Variants in ZBTB20 observed in about 807,000 individuals in gnomAD.
ZBTB20 encodes the protein zinc finger and BTB domain containing 20.
Under a neutral mutation model 56.9 loss-of-function variants are expected in ZBTB20, and 9 were observed. The observed-to-expected ratio is 0.16, with a 90% CI of 0.10 to 0.28. ZBTB20 has a LOEUF of 0.28. Ranked by LOEUF, ZBTB20 falls within the 10% of genes least tolerant of loss-of-function variation. The pLI, the probability that ZBTB20 is intolerant of heterozygous loss-of-function variation, is 1.00. For missense variants in ZBTB20, 655 were observed against 1,003.0 expected (o/e 0.65, Z 4.69); for synonymous variants, 417 against 420.7 (o/e 0.99, Z 0.11).
chr3:114,341,653 C>T (rs1370509785), intron 11 of ZBTB20, among the ~76,000 whole-genome samples: 4 of 152,200 alleles, frequency 2.6e-5, no homozygotes, highest in African/African-American at 4.8e-5. Context: ...TCATGTTTCT[C>T]TCTATAGCAT....
intron 11 of ZBTB20, among the ~76,000 whole-genome samples, chr3:114,349,199 CAAAAAA>C (rs35387890): frequency 2.1e-4 from 25 of 116,336 alleles, no homozygotes; most frequent in Admixed American, 1.7e-4. Flanking sequence ...GACCCTGTCT[CAAAAAA>C]AAAAAAAAAA....
intron 6 of ZBTB20, among the ~76,000 whole-genome samples, chr3:114,573,367 C>T (rs1466160121): frequency 6.7e-6 from 1 of 150,042 alleles, no homozygotes; most frequent in East Asian, 2.0e-4. Context: ...GGCTGTGGCA[C>T]AAGAATTGCT....
chr3:114,390,799 G>T (rs552754530), intron 7 of ZBTB20, among the ~76,000 whole-genome samples: 93 of 152,204 alleles, frequency 6.1e-4, no homozygotes, highest in Admixed American at 9.8e-4. Context: ...ATACAACAGG[G>T]TCTCTAACTT....
At chr3:115,041,380 C>T (rs2081135703) in intron 2 of ZBTB20, among the ~76,000 whole-genome samples, 1 of 152,006 alleles carries the variant, frequency 6.6e-6, no homozygotes, top group South Asian at 2.1e-4. Context: ...GTACCAAAAC[C>T]AAAACTCTAG....
intron 6 of ZBTB20, among the ~76,000 whole-genome samples, chr3:114,663,437 C>T (rs1275889500): frequency 1.4e-5 from 2 of 146,312 alleles, no homozygotes; most frequent in Non-Finnish European, 3.0e-5. Context: ...CAAAATCATG[C>T]CAAAATGTAA....
intron 2 of ZBTB20, among the ~76,000 whole-genome samples, chr3:114,979,159 T>G (rs2078230024): frequency 6.6e-6 from 1 of 152,014 alleles, no homozygotes; most frequent in Non-Finnish European, 1.5e-5. Flanking sequence ...CAATTAAACT[T>G]TCAAAGAAAA....
intron 3 of ZBTB20, among the ~76,000 whole-genome samples, chr3:114,937,152 C>A (rs767896296): frequency 1.3e-5 from 2 of 152,148 alleles, no homozygotes; most frequent in Non-Finnish European, 2.9e-5. Flanking sequence ...ATTGCTGGGT[C>A]AAATGGTAGT....
chr3:114,405,016 A>G (rs16822606), intron 7 of ZBTB20, among the ~76,000 whole-genome samples: 31,823 of 151,932 alleles, frequency 0.21, 4,486 homozygotes, highest in African/African-American at 0.39. Flanking sequence ...GAGTCACTGA[A>G]ACCAGGTATC....
At chr3:114,685,806 A>T (rs2062298839) in intron 6 of ZBTB20, among the ~76,000 whole-genome samples, 1 of 152,184 alleles carries the variant, frequency 6.6e-6, no homozygotes, top group South Asian at 2.1e-4. Context: ...GCTTTGACAA[A>T]AGAGAATAGT....
At chr3:114,528,424 C>A (rs1236991853) in intron 6 of ZBTB20, among the ~76,000 whole-genome samples, 1 of 151,694 alleles carries the variant, frequency 6.6e-6, no homozygotes, top group Non-Finnish European at 1.5e-5. Flanking sequence ...GGGCACGGGT[C>A]TTCAGGATAA....
intron 6 of ZBTB20, among the ~76,000 whole-genome samples, chr3:114,594,073 C>T (rs913507172): frequency 6.6e-6 from 1 of 152,028 alleles, no homozygotes; most frequent in Non-Finnish European, 1.5e-5. Context: ...GATTAGTAGA[C>T]AAAGTATATA....
intron 2 of ZBTB20, among the ~76,000 whole-genome samples, chr3:115,059,966 T>C (rs1455338427): frequency 6.6e-6 from 1 of 152,240 alleles, no homozygotes; most frequent in African/African-American, 2.4e-5. Context: ...GTGTTTCATC[T>C]TTGAATAACC....
chr3:114,399,106 C>G (rs2086590163), intron 7 of ZBTB20, among the ~76,000 whole-genome samples: 1 of 152,104 alleles, frequency 6.6e-6, no homozygotes, highest in Non-Finnish European at 1.5e-5. Context: ...AGCAGGTTCC[C>G]TAACAGTGAA....
At chr3:114,351,945 C>G in intron 10 of ZBTB20, 67 bp from the exon 11 acceptor site, 1 of 1,539,788 alleles carries the variant, frequency 6.5e-7, no homozygotes, top group South Asian at 1.3e-5. Context: ...ATTCCTAACA[C>G]CTAGGTTTCA....
At chr3:114,744,387 A>C (rs766185515) in intron 5 of ZBTB20, among the ~76,000 whole-genome samples, 2 of 152,158 alleles carry the variant, frequency 1.3e-5, no homozygotes, top group Non-Finnish European at 2.9e-5. Context: ...AAAATTACAG[A>C]CTTCTGTAAC....
intron 6 of ZBTB20, chr3:114,582,092 A>G (rs532341053): frequency 2.0e-5 from 3 of 152,304 alleles, no homozygotes; most frequent in Middle Eastern, 6.8e-3. Flanking sequence ...TAGAGGTTAC[A>G]GTGGTTTTGC....
intron 3 of ZBTB20, among the ~76,000 whole-genome samples, chr3:114,917,158 G>C (rs927026906): frequency 1.3e-5 from 2 of 152,000 alleles, no homozygotes; most frequent in African/African-American, 4.8e-5. Flanking sequence ...CCGTTAAGAG[G>C]CTGCTGCATT....
At chr3:115,078,997 T>C (rs1165911653) in intron 1 of ZBTB20, among the ~76,000 whole-genome samples, 2 of 152,166 alleles carry the variant, frequency 1.3e-5, no homozygotes, top group Admixed American at 6.5e-5. Flanking sequence ...TCAATTAGCG[T>C]TTTCACCAAC....
intron 1 of ZBTB20, among the ~76,000 whole-genome samples, chr3:115,102,110 T>G (rs1188185554): frequency 6.6e-6 from 1 of 152,156 alleles, no homozygotes; most frequent in African/African-American, 2.4e-5. Context: ...CAAGCTATCC[T>G]GGGAAAATTT....
Sources: allele counts gnomAD v4.1 joint callset (sites outside exome capture counted in the v4.1 genomes callset), GRCh38; gene constraint gnomAD v4.1.1; transcripts MANE v1.5; gene names NCBI Gene and HGNC (gene_info 2026-07-23, HGNC 2026-07-21).